Variants in SPATA17 observed in about 807,000 individuals in gnomAD.
SPATA17 encodes spermatogenesis associated 17.
In SPATA17, 53 loss-of-function variants were observed where a neutral mutation model predicts 62.2. That is an observed-to-expected ratio of 0.85 (90% CI 0.68 to 1.07). The LOEUF (loss-of-function observed/expected upper bound fraction) is 1.07, where lower values mean the gene tolerates loss of function less well. SPATA17 is among the 50% of genes least tolerant of loss of function. The pLI is 0.00. For synonymous variants in SPATA17, 146 were observed against 146.8 expected, an observed-to-expected ratio of 0.99 and a Z score of 0.04; for missense variants, 466 against 425.5, an observed-to-expected ratio of 1.10 and a Z score of -0.84.
At chr1:217,643,997 G>T (rs143541705) in intron 1 of SPATA17, among the ~76,000 whole-genome samples, 2,471 of 152,182 alleles carry the variant, frequency 0.016, 73 homozygotes, top group African/African-American at 0.057. Flanking sequence ...AAAGTTCTGG[G>T]ATTACAGGTG....
At chr1:217,845,731 T>C (rs151140781) in intron 9 of SPATA17, among the ~76,000 whole-genome samples, 89 of 152,260 alleles carry the variant, frequency 5.8e-4, no homozygotes, top group African/African-American at 2.1e-3. Flanking sequence ...CAGAGCAGTT[T>C]ACTTAGACTA....
At position 217,683,240 on chromosome 1, in the gene SPATA17, C is replaced by T. The variant is rs1397272306; in HGVS notation, c.292-18C>T. Reference sequence around the variant, plus strand: ...AAGTGTTTAATGGCATATTTTATCTCTTTATTTACTTTAATAGATTCAGAG... The same window carrying T: ...AAGTGTTTAATGGCATATTTTATCTTTTTATTTACTTTAATAGATTCAGAG... On this transcript the variant is annotated intron_variant, in intron 4 of 10. Coordinates refer to ENST00000366933, the MANE Select transcript of SPATA17 (RefSeq NM_138796.4). 1 of 1,541,508 alleles carries T rather than the reference C, an allele frequency of 6.5e-7. No homozygotes were observed.
chr1:217,704,412 G>A (rs573547031), intron 5 of SPATA17, among the ~76,000 whole-genome samples: 47 of 150,274 alleles, frequency 3.1e-4, no homozygotes, highest in Non-Finnish European at 4.3e-4. Flanking sequence ...CACCGCGCCC[G>A]GCTAATTTTT....
chr1:217,640,529 C>T (rs746749284), intron 1 of SPATA17, among the ~76,000 whole-genome samples: 109 of 152,000 alleles, frequency 7.2e-4, no homozygotes, highest in Non-Finnish European at 1.0e-3. Flanking sequence ...TTTCTATTGG[C>T]CTCATAAAAA....
chr1:217,784,177 G>T (rs1401143207), intron 8 of SPATA17, among the ~76,000 whole-genome samples: 2 of 152,040 alleles, frequency 1.3e-5, no homozygotes, highest in African/African-American at 2.4e-5. Context: ...AGAAATGTTA[G>T]AAATATAGGT....
chr1:217,792,193 G>A (rs1054517360), intron 8 of SPATA17, among the ~76,000 whole-genome samples: 1 of 152,158 alleles, frequency 6.6e-6, no homozygotes, highest in Non-Finnish European at 1.5e-5. Flanking sequence ...ATCAGATTTA[G>A]GGGTGAGCCT....
At chr1:217,802,025 A>G (rs1403741779) in intron 9 of SPATA17, among the ~76,000 whole-genome samples, 175 bp downstream of exon 9, 1 of 150,176 alleles carries the variant, frequency 6.7e-6, no homozygotes, top group Admixed American at 6.6e-5. Flanking sequence ...TTTTTTTTTC[A>G]GTATTGTATT....
At chr1:217,771,586 G>A (rs1673445977) in intron 6 of SPATA17, among the ~76,000 whole-genome samples, 1 of 152,128 alleles carries the variant, frequency 6.6e-6, no homozygotes, top group African/African-American at 2.4e-5. Flanking sequence ...GATTGTGGGA[G>A]TGCTGGACTG....
rs544515154 is a variant in SPATA17, at chr1:217,636,479, T to C, written c.68+5033T>C. On this transcript the variant is annotated intron_variant, in intron 1 of 10. Transcript: ENST00000366933. ...CCCAGGCTGGAGTGCAGTGGCGTGA[T>C]CTCAGGTCACTGCACCTCTGCCTCC... Among the ~76,000 whole-genome samples the C allele has an allele frequency of 1.0e-3, 158 of 152,254 alleles. 2 individuals are homozygous for C. The East Asian group carries it at 0.013, about 13-fold the overall frequency.
At chr1:217,680,413 T>C (rs1210517463) in intron 4 of SPATA17, among the ~76,000 whole-genome samples, 1 of 152,204 alleles carries the variant, frequency 6.6e-6, no homozygotes, top group African/African-American at 2.4e-5. Flanking sequence ...TGATTCTTCT[T>C]TTTCATTAGG....
chr1:217,770,472 G>T (rs1046015318), intron 6 of SPATA17, among the ~76,000 whole-genome samples: 1 of 152,106 alleles, frequency 6.6e-6, no homozygotes, highest in Non-Finnish European at 1.5e-5. Flanking sequence ...TAGTAATTGT[G>T]ATCTGGGAAT....
At chr1:217,758,584 C>G (rs924581017) in intron 6 of SPATA17, among the ~76,000 whole-genome samples, 1 of 152,162 alleles carries the variant, frequency 6.6e-6, no homozygotes, top group Non-Finnish European at 1.5e-5. Flanking sequence ...AACACATGCT[C>G]ATAACCACTA....
rs115385656 is a variant in SPATA17, at chr1:217,770,299, C to T, written c.520-4035C>T. 4.7e-3 allele frequency among the ~76,000 whole-genome samples: 714 copies of T among 152,258 alleles called. 6 individuals carry two copies. Among genetic ancestry groups the T allele is most frequent in the African/African-American group, 0.016 (680 of 41,566 alleles). ...TTTAAATTTTATTCCTATTTGTGGT[C>T]AGCCACTCTTTTTTGCTGCGTAATT... On this transcript the variant is annotated intron_variant, in intron 6 of 10. Coordinates refer to ENST00000366933, the MANE Select transcript of SPATA17 (RefSeq NM_138796.4).
intron 5 of SPATA17, among the ~76,000 whole-genome samples, chr1:217,699,461 G>GT (rs1671542261): frequency 6.6e-6 from 1 of 152,086 alleles, no homozygotes; most frequent in East Asian, 1.9e-4. Flanking sequence ...GACTAAGAAA[G>GT]TTTAATACCT....
At chr1:217,685,377 T>C (rs889086291) in intron 5 of SPATA17, among the ~76,000 whole-genome samples, 1 of 152,204 alleles carries the variant, frequency 6.6e-6, no homozygotes, top group Non-Finnish European at 1.5e-5. Context: ...TTTCCAGTAA[T>C]TCTTATTTTC....
chr1:217,660,888 G>A (rs930365243), intron 3 of SPATA17, among the ~76,000 whole-genome samples: 8 of 152,190 alleles, frequency 5.3e-5, no homozygotes, highest in African/African-American at 1.9e-4. Context: ...ATGTTTATAA[G>A]AAACATTCTG....
chr1:217,708,301 A>G (rs1671781688), intron 5 of SPATA17, among the ~76,000 whole-genome samples: 1 of 152,182 alleles, frequency 6.6e-6, no homozygotes. Context: ...ATAGACCACT[A>G]GCTAGACTAA....
intron 3 of SPATA17, among the ~76,000 whole-genome samples, chr1:217,660,002 T>C (rs927789083): frequency 2.6e-5 from 4 of 152,214 alleles, no homozygotes; most frequent in African/African-American, 9.6e-5. Flanking sequence ...TAATGTCACT[T>C]CTTGCTATAC....
intron 9 of SPATA17, among the ~76,000 whole-genome samples, chr1:217,811,488 C>T (rs955489018): frequency 1.3e-5 from 2 of 151,902 alleles, no homozygotes; most frequent in Non-Finnish European, 1.5e-5. Context: ...TTATTTCTCC[C>T]CATCTTCTTA....
Sources: gnomAD v4.1 joint callset for allele counts (sites outside exome capture counted in the v4.1 genomes callset) on GRCh38, gnomAD v4.1.1 for gene constraint, MANE v1.5 for transcripts, NCBI Gene and HGNC (gene_info 2026-07-23, HGNC 2026-07-21) for gene names.